The following RBAK variants were observed in gnomAD, a reference collection of about 807,000 sequenced individuals.
RBAK encodes RB associated KRAB zinc finger.
Under a neutral mutation model 65.8 loss-of-function variants are expected in RBAK, and 39 were observed. The ratio of observed to expected loss-of-function variants is 0.59; its 90% CI spans 0.46 to 0.77. RBAK has a LOEUF of 0.77. Among genes scored for constraint, RBAK ranks in the 30% least tolerant of loss-of-function variants. RBAK has a pLI of 0.00. For missense variants in RBAK, 884 were observed against 855.1 expected (o/e 1.03, Z -0.42); for synonymous variants, 343 against 289.7 (o/e 1.18, Z -1.87).
At chr7:5,047,994 A>C in intron 1 of RBAK, 39 bp from the exon 2 acceptor site, 2 of 1,102,388 alleles carry the variant, frequency 1.8e-6, no homozygotes, top group South Asian at 3.0e-5. Flanking sequence ...TGCAGGCCAG[A>C]GCACTCATGA....
chr7:5,055,028 C>T (rs540448620), intron 2 of RBAK, among the ~76,000 whole-genome samples: 32 of 152,076 alleles, frequency 2.1e-4, no homozygotes, highest in East Asian at 9.7e-4. Flanking sequence ...GTGATCTGCC[C>T]GCCTCGGCCT....
At chr7:5,046,924 C>T (rs1788000598) in intron 1 of RBAK, among the ~76,000 whole-genome samples, 1 of 152,070 alleles carries the variant, frequency 6.6e-6, no homozygotes, top group Admixed American at 6.6e-5. Context: ...ATCTCCCAGG[C>T]CAGTGTTCTT....
chr7:5,057,929 T>C (rs752667372), intron 4 of RBAK, 150 bp downstream of exon 4: 8 of 786,220 alleles, frequency 1.0e-5, no homozygotes, highest in East Asian at 2.7e-5. Flanking sequence ...ATGAACTCTT[T>C]TGTTGATTTT....
intron 1 of RBAK, among the ~76,000 whole-genome samples, chr7:5,047,583 A>G (rs1228763836): frequency 2.7e-5 from 4 of 145,996 alleles, no homozygotes; most frequent in African/African-American, 1.0e-4. Flanking sequence ...TGCTTCGCCT[A>G]TCACTCTTTT....
At chr7:5,055,488 T>C (rs1328078987) in intron 2 of RBAK, among the ~76,000 whole-genome samples, 1 of 152,184 alleles carries the variant, frequency 6.6e-6, no homozygotes, top group Non-Finnish European at 1.5e-5. Context: ...GTCAAGCTTT[T>C]TCAGGTATCT....
chr7:5,051,998 T>C (rs1455952967), intron 2 of RBAK, among the ~76,000 whole-genome samples: 1 of 152,234 alleles, frequency 6.6e-6, no homozygotes, highest in Non-Finnish European at 1.5e-5. Flanking sequence ...TGAAATCTGC[T>C]GCATTTGTGG....
At chr7:5,054,534 G>A (rs2115032144) in intron 2 of RBAK, among the ~76,000 whole-genome samples, 1 of 152,056 alleles carries the variant, frequency 6.6e-6, no homozygotes, top group South Asian at 2.1e-4. Flanking sequence ...TCCAGTACCT[G>A]TTAGTTTATC....
In RBAK at chr7:5,065,502, C is replaced by T. The variant is rs12334144; in HGVS notation, c.2046C>T (p.Asn682=). Residue 682 remains asparagine (N), a synonymous_variant, in exon 5 of 5, where the codon AAC becomes AAT. Coordinates refer to ENST00000396912, the MANE Select transcript of RBAK (RefSeq NM_021163.4). The surrounding 1 kb of genome is among the most constrained non-coding windows in gnomAD (Gnocchi z 5.3). Reference sequence around the variant, plus strand: ...CAGGAGAGAAACCCTATGAATGTAACGAGTGTGGGAAAAAATTCCACCACA... The same window carrying T: ...CAGGAGAGAAACCCTATGAATGTAATGAGTGTGGGAAAAAATTCCACCACA... ...THSGEKPYEC[N]ECGKKFHHRS... 0.5 allele frequency: 810,726 copies of T among 1,607,972 alleles called. 208,414 individuals are homozygous for T. Among genetic ancestry groups the T allele is most frequent in the African/African-American group, 0.73 (54,681 of 74,768 alleles).
rs1788033594 is a variant in RBAK, at chr7:5,048,061, C to T, written c.-16C>T. The T allele has an allele frequency of 1.4e-5, 22 of 1,596,142 alleles. No individual in the cohort carries two copies. The highest frequency in any genetic ancestry group is 1.8e-5 in the Non-Finnish European group (21 of 1,172,394). On this transcript the variant is annotated 5_prime_UTR_variant, in exon 2 of 5. Coordinates refer to ENST00000396912, the MANE Select transcript of RBAK (RefSeq NM_021163.4). The surrounding 1 kb of genome is among the most constrained non-coding windows in gnomAD (Gnocchi z 4.4). Reference sequence around the variant, plus strand: ...TACCAGCCACAGTCTCTGCACGTTTCCAAGAGCAGCAGAAAATGAACACAT... The same window carrying T: ...TACCAGCCACAGTCTCTGCACGTTTTCAAGAGCAGCAGAAAATGAACACAT...
In RBAK at chr7:5,064,265, T is replaced by G; in HGVS notation, c.809T>G (p.Phe270Cys). ...GAATGCAGTGAATGTGGAAAATCCT[T>G]CTGTAAAAAGTCAAAATTCATCATC... ...PFECSECGKS[F>C]CKKSKFIIHQ... Residue 270 changes from phenylalanine (F) to cysteine (C), a missense_variant, in exon 5 of 5, where the codon TTC becomes TGC. Physicochemically the swap from Phe to Cys is radical, Grantham distance 205. Coordinates refer to ENST00000396912, the MANE Select transcript of RBAK (RefSeq NM_021163.4). This position sits in a 1 kb window ranked among gnomAD's most constrained non-coding sequence, Gnocchi z 6.3. 1 of 1,614,096 alleles carries G rather than the reference T, an allele frequency of 6.2e-7. No homozygotes were observed. Among genetic ancestry groups the G allele is most frequent in the Non-Finnish European group, 8.5e-7 (1 of 1,179,982 alleles).
Position 5,063,767 on chromosome 7 carries a change from G to T in RBAK, c.311G>T (p.Cys104Phe), listed in dbSNP as rs1433197419. 8.7e-6 allele frequency: 14 copies of T among 1,613,832 alleles called. No homozygotes were observed. In the South Asian group the frequency reaches 1.2e-4, roughly 14 times the overall value. ...GACAAACATTCAAGGCAAGCTGCTT[G>T]TATCAATAGCAAAACCCTGACTGAA... ...NEDKHSRQAA[C>F]INSKTLTEEK... The change falls in exon 5 of 5, where the codon TGT becomes TTT. Residue 104 changes from cysteine (C) to phenylalanine (F), a missense_variant. Cys to Phe is a radical substitution (Grantham distance 205, BLOSUM62 -2). Transcript: ENST00000396912.
At position 5,065,348 on chromosome 7, in the gene RBAK, T is replaced by G. The variant is rs772681254; in HGVS notation, c.1892T>G (p.Val631Gly). The G allele has an allele frequency of 6.2e-7, 1 of 1,613,568 alleles. No individual in the cohort carries two copies. The highest frequency in any genetic ancestry group is 8.5e-7 in the Non-Finnish European group (1 of 1,179,764). Residue 631 changes from valine to glycine, a missense_variant, in exon 5 of 5, where the codon GTC becomes GGC. Val to Gly is a moderately radical substitution (Grantham distance 109). Coordinates refer to ENST00000396912, the MANE Select transcript of RBAK (RefSeq NM_021163.4). The surrounding 1 kb of genome is among the most constrained non-coding windows in gnomAD (Gnocchi z 5.3). ...TATGAATGTAGTAAATGTGGAAAAG[T>G]CTTCTCTCGGATGTCAAACCTCACT... ...KPYECSKCGK[V>G]FSRMSNLTVH...
rs914004883 is a variant in RBAK, at chr7:5,068,750, A to G, written c.*3149A>G. The G allele has an allele frequency of 7.9e-5, 12 of 152,230 alleles. No individual in the cohort carries two copies. The highest frequency in any genetic ancestry group is 2.9e-4 in the African/African-American group (12 of 41,466). 9.4% of individuals were successfully genotyped at this position (152,230 alleles called of 1,614,324 possible). A position where few individuals can be genotyped will look rare whatever the true frequency, so the allele number is the denominator to read the frequency against. ...ACATGCACTAGAATATTTATAGCCT[A>G]AAACTGCACAAAACAGAACTATCTT... On this transcript the variant is annotated 3_prime_UTR_variant, in exon 5 of 5. Coordinates refer to ENST00000396912, the MANE Select transcript of RBAK (RefSeq NM_021163.4).
At chr7:5,047,601 CTTTTTT>C (rs1037439035) in intron 1 of RBAK, among the ~76,000 whole-genome samples, 2 of 100,916 alleles carry the variant, frequency 2.0e-5, no homozygotes, top group East Asian at 5.4e-4. Context: ...TTTTCACTCT[CTTTTTT>C]TTTTTTTTTT....
intron 4 of RBAK, among the ~76,000 whole-genome samples, chr7:5,059,629 A>G (rs1257408612): frequency 1.3e-5 from 2 of 152,220 alleles, no homozygotes; most frequent in Non-Finnish European, 2.9e-5. Flanking sequence ...ATTTGAACTG[A>G]AAAGGTTAGC....
At position 5,067,542 on chromosome 7, in the gene RBAK, C is replaced by G. The variant is rs901283937; in HGVS notation, c.*1941C>G. The G allele has an allele frequency of 1.3e-5, 2 of 152,088 alleles. No homozygotes were observed. The highest frequency in any genetic ancestry group is 2.9e-5 in the Non-Finnish European group (2 of 67,988). 9.4% of individuals were successfully genotyped at this position (152,088 alleles called of 1,614,324 possible). ...TTGCTTTTTCCTAAATTCATTGCAACCTTAAAATCCTAGCAAGTTCTTTAA... is the reference window on the plus strand; with the variant it reads ...TTGCTTTTTCCTAAATTCATTGCAAGCTTAAAATCCTAGCAAGTTCTTTAA... On this transcript the variant is annotated 3_prime_UTR_variant, in exon 5 of 5. Transcript: ENST00000396912.
At position 5,063,881 on chromosome 7, in the gene RBAK, A is replaced by G. The variant is rs200272618; in HGVS notation, c.425A>G (p.Lys142Arg). 7.7e-5 allele frequency: 125 copies of G among 1,614,114 alleles called. No individual in the cohort carries two copies. The East Asian group carries it at 1.1e-3, about 14-fold the overall frequency. Reference sequence around the variant, plus strand: ...GCTCATAATTGTGTCTCATGTGGAAAGAATTTAGAATCTATTTCGCAATTA... The same window carrying G: ...GCTCATAATTGTGTCTCATGTGGAAGGAATTTAGAATCTATTTCGCAATTA... ...IIAHNCVSCGKNLESISQLIS... is the reference protein window; with the variant it reads ...IIAHNCVSCGRNLESISQLIS... The change falls in exon 5 of 5, where the codon AAG becomes AGG. Residue 142 changes from lysine to arginine, a missense_variant. Transcript: ENST00000396912.
rs563050096 is a variant in RBAK, at chr7:5,056,349, C to T, written c.16-946C>T. ...CCCAAGCTGGTCTCGAACTCCTGAG[C>T]TCAAACGATCTTCCCATCTTGGCCT... On this transcript the variant is annotated intron_variant, in intron 2 of 4. Transcript: ENST00000396912. Among the ~76,000 whole-genome samples, 5 of 151,962 alleles carry T rather than the reference C, an allele frequency of 3.3e-5. No homozygotes were observed. The East Asian group carries it at 5.8e-4, about 18-fold the overall frequency.
chr7:5,057,333 C>G lies in RBAK; in HGVS notation c.54C>G (p.Thr18=), dbSNP rs760227602. The G allele has an allele frequency of 6.2e-7, 1 of 1,613,876 alleles. No homozygotes were observed. The highest frequency in any genetic ancestry group is 1.7e-5 in the Admixed American group (1 of 59,972). The part of the protein sequence containing the change: ...VSFKDVAVDF[T]QEEWQQLDPD... ...TCAAAGATGTGGCTGTGGATTTCAC[C>G]CAGGAGGAGTGGCAGCAGCTGGACC... Residue 18 remains threonine (T), a synonymous_variant, in exon 3 of 5, where the codon ACC becomes ACG. Transcript: ENST00000396912.
Sources: allele counts gnomAD v4.1 joint callset (sites outside exome capture counted in the v4.1 genomes callset), GRCh38; gene constraint gnomAD v4.1.1; non-coding constraint Gnocchi (gnomAD v3.1); transcripts MANE v1.5; gene names NCBI Gene and HGNC (gene_info 2026-07-23, HGNC 2026-07-21).